The following SRFBP1 variants were observed in gnomAD, a reference collection of about 807,000 sequenced individuals.
SRFBP1 encodes serum response factor-binding protein 1.
In SRFBP1, 47 loss-of-function variants were observed where a neutral mutation model predicts 45.5. The ratio of observed to expected loss-of-function variants is 1.03; its 90% CI spans 0.82 to 1.32. The LOEUF (loss-of-function observed/expected upper bound fraction) is 1.32. SRFBP1 is among the 40% of genes most tolerant of loss of function. The pLI is 0.00. For missense variants in SRFBP1, 621 were observed against 484.6 expected (o/e 1.28, Z -2.64); for synonymous variants, 203 against 166.3 (o/e 1.22, Z -1.70).
At chr5:122,044,676 G>A (rs568799791) in intron 2 of SRFBP1, among the ~76,000 whole-genome samples, 1 of 152,114 alleles carries the variant, frequency 6.6e-6, no homozygotes, top group East Asian at 1.9e-4. Flanking sequence ...GTCTGTTCAT[G>A]TCTCTTACCC....
At chr5:122,041,414 A>G (rs914675956) in intron 2 of SRFBP1, among the ~76,000 whole-genome samples, 7 of 151,900 alleles carry the variant, frequency 4.6e-5, no homozygotes, top group African/African-American at 1.5e-4. Flanking sequence ...TTTTTTAACC[A>G]TATCTATTTT....
At chr5:122,042,750 T>G (rs1351998139) in intron 2 of SRFBP1, among the ~76,000 whole-genome samples, 1 of 152,188 alleles carries the variant, frequency 6.6e-6, no homozygotes, top group Non-Finnish European at 1.5e-5. Context: ...GATACTGTTT[T>G]TCTCTTTTCG....
At chr5:122,037,547 A>T (rs985702702) in intron 2 of SRFBP1, among the ~76,000 whole-genome samples, 72 of 152,028 alleles carry the variant, frequency 4.7e-4, no homozygotes, top group African/African-American at 1.7e-3. Flanking sequence ...CTCTGTCGCT[A>T]TGTTGAAGAG....
At chr5:121,968,627 A>G (rs1752124714) in intron 1 of SRFBP1, among the ~76,000 whole-genome samples, 1 of 152,178 alleles carries the variant, frequency 6.6e-6, no homozygotes, top group Non-Finnish European at 1.5e-5. Context: ...TGCAATGAAT[A>G]ATCTTGTGTG....
In SRFBP1 at chr5:122,015,115, T is replaced by G. The variant is rs1264193900; in HGVS notation, c.271-4145T>G. Among the ~76,000 whole-genome samples, 5 of 152,300 alleles carry G rather than the reference T, an allele frequency of 3.3e-5. No individual in the cohort carries two copies. In the East Asian group the frequency reaches 9.7e-4, roughly 29 times the overall value. On this transcript the variant is annotated intron_variant, in intron 4 of 7. Coordinates refer to ENST00000339397, the MANE Select transcript of SRFBP1 (RefSeq NM_152546.3). Reference sequence around the variant, plus strand: ...AAAGCTGCTCCTGGAATATCTTCTTTTTTCCTATAACCTGAAGGGCAGTTT... The same window carrying G: ...AAAGCTGCTCCTGGAATATCTTCTTGTTTCCTATAACCTGAAGGGCAGTTT...
At chr5:122,041,721 T>C (rs1211536097) in intron 2 of SRFBP1, among the ~76,000 whole-genome samples, 3 of 152,178 alleles carry the variant, frequency 2.0e-5, no homozygotes, top group Non-Finnish European at 2.9e-5. Flanking sequence ...TTGTTTCTCT[T>C]GTATTTTTCC....
downstream of SRFBP1, chr5:122,077,185 G>T: frequency 6.8e-7 from 1 of 1,466,160 alleles, no homozygotes. This position sits in a 1 kb window ranked among gnomAD's most constrained non-coding sequence, Gnocchi z 4.9. Context: ...GAAGCAGGAG[G>T]GGCCAGACGC....
At chr5:122,049,058 C>G (rs1427789016) in intron 2 of SRFBP1, among the ~76,000 whole-genome samples, 1 of 152,056 alleles carries the variant, frequency 6.6e-6, no homozygotes, top group Non-Finnish European at 1.5e-5. Context: ...CAGTTCTGCT[C>G]TGATCTTAGT....
At chr5:122,056,423 A>T (rs1462719243) in intron 2 of SRFBP1, among the ~76,000 whole-genome samples, 1 of 152,214 alleles carries the variant, frequency 6.6e-6, no homozygotes, top group African/African-American at 2.4e-5. Flanking sequence ...GCAATTTGAC[A>T]AGCACTCAGT....
intron 7 of SRFBP1, among the ~76,000 whole-genome samples, chr5:122,024,049 T>TA (rs1336280779): frequency 6.6e-6 from 1 of 152,240 alleles, no homozygotes; most frequent in Admixed American, 6.5e-5. Flanking sequence ...TTCTTAGACT[T>TA]ACAGGTTACT....
At chr5:121,998,262 A>G (rs1459860275) in intron 4 of SRFBP1, among the ~76,000 whole-genome samples, 1 of 151,910 alleles carries the variant, frequency 6.6e-6, no homozygotes, top group East Asian at 1.9e-4. Flanking sequence ...CTTGGAACCA[A>G]CCCAAATGTC....
At chr5:121,967,055 A>C (rs1483005057) in intron 1 of SRFBP1, among the ~76,000 whole-genome samples, 2 of 150,876 alleles carry the variant, frequency 1.3e-5, no homozygotes, top group Non-Finnish European at 2.9e-5. Flanking sequence ...AGCCTCCCAG[A>C]GTGCTGGGAT....
intron 7 of SRFBP1, among the ~76,000 whole-genome samples, chr5:122,023,576 A>T (rs1753408677): frequency 6.6e-6 from 1 of 152,212 alleles, no homozygotes; most frequent in African/African-American, 2.4e-5. Flanking sequence ...AGCAAAGATT[A>T]TGAAGGCTCT....
At chr5:122,076,768 A>ACTTCCCAGCT, downstream of SRFBP1, 1 of 751,652 alleles carries the variant, frequency 1.3e-6, no homozygotes, top group South Asian at 1.7e-5. Context: ...GTCACGTCCC[A>ACTTCCCAGCT]CTTCCCAGCT....
intron 3 of SRFBP1, among the ~76,000 whole-genome samples, chr5:121,992,134 A>G (rs181582430): frequency 1.1e-4 from 16 of 152,264 alleles, no homozygotes; most frequent in Admixed American, 1.0e-3. Flanking sequence ...ATTGTCTTAC[A>G]GTGCTGAAGG....
At position 122,052,919 on chromosome 5, in the gene SRFBP1, CT is replaced by C. The variant is rs572265649; in HGVS notation, n.312-22386del. 3.6e-4 allele frequency among the ~76,000 whole-genome samples: 54 copies of C among 148,536 alleles called. No homozygotes were observed. The South Asian group carries it at 6.0e-3, about 17-fold the overall frequency. ...GCTGTCCTTTCGATGGATTTTTTTGCTTTTTTTTTTCTTTGATTCCCTTGGG... is the reference window on the plus strand; with the variant it reads ...GCTGTCCTTTCGATGGATTTTTTTGCTTTTTTTTTCTTTGATTCCCTTGGG... On this transcript the variant is annotated intron_variant and non_coding_transcript_variant, in intron 2 of 2. Coordinates refer to the SRFBP1 transcript ENST00000504881.
intron 2 of SRFBP1, among the ~76,000 whole-genome samples, chr5:122,044,335 A>G (rs939027840): frequency 1.3e-5 from 2 of 152,162 alleles, no homozygotes; most frequent in Admixed American, 6.6e-5. Context: ...TGTTTATGGT[A>G]GAACAATTAA....
chr5:121,969,237 C>G (rs1007676992), intron 1 of SRFBP1, among the ~76,000 whole-genome samples: 1 of 152,118 alleles, frequency 6.6e-6, no homozygotes, highest in African/African-American at 2.4e-5. Flanking sequence ...GTAATAAATG[C>G]TCACATTGTA....
At chr5:122,043,848 A>G (rs62381256) in intron 2 of SRFBP1, among the ~76,000 whole-genome samples, 1 of 152,138 alleles carries the variant, frequency 6.6e-6, no homozygotes, top group Non-Finnish European at 1.5e-5. Context: ...ATTATTCATT[A>G]AATTTTTTTT....
Sources: gnomAD v4.1 joint callset for allele counts (sites outside exome capture counted in the v4.1 genomes callset) on GRCh38, gnomAD v4.1.1 for gene constraint, Gnocchi (gnomAD v3.1) non-coding constraint, MANE v1.5 for transcripts, NCBI Gene and HGNC (gene_info 2026-07-23, HGNC 2026-07-21) for gene names.